The following IGSF9 variants were observed in gnomAD, a reference collection of about 807,000 sequenced individuals.
IGSF9 encodes protein turtle homolog A.
A neutral mutation model predicts 121.7 loss-of-function variants in IGSF9; 87 were observed. The observed-to-expected ratio is 0.71, with a 90% CI of 0.60 to 0.85. IGSF9 has a LOEUF of 0.85. Ranked by LOEUF, IGSF9 falls within the 40% of genes least tolerant of loss-of-function variation. The probability of loss-of-function intolerance (pLI) is 0.00; values close to 1 mark genes in which losing one functional copy is unlikely to be tolerated. For missense variants in IGSF9, 1,462 were observed against 1,565.3 expected, an observed-to-expected ratio of 0.93 and a Z score of 1.11; for synonymous variants, 640 against 648.4, an observed-to-expected ratio of 0.99 and a Z score of 0.20.
chr1:159,929,601 A>G (rs781515796), intron 17 of IGSF9, 37 bp downstream of exon 17: 46 of 1,573,868 alleles, frequency 2.9e-5, no homozygotes, highest in Middle Eastern at 1.7e-4. Flanking sequence ...GCTAGGCCCA[A>G]GTGCGCAGTA....
In IGSF9 at chr1:159,932,677, T is replaced by C. The variant is rs758742888; in HGVS notation, c.1105-25A>G. Reference sequence around the variant, plus strand: ...ACTGGAAGGAAGAGAAGATGACAGCTAGAGAGAGGAGCTCAGCAGAGACAA... The same window carrying C: ...ACTGGAAGGAAGAGAAGATGACAGCCAGAGAGAGGAGCTCAGCAGAGACAA... On this transcript the variant is annotated intron_variant, in intron 9 of 20. Coordinates refer to ENST00000368094, the MANE Select transcript of IGSF9 (RefSeq NM_001135050.2). This position sits in a 1 kb window ranked among gnomAD's most constrained non-coding sequence, Gnocchi z 4.1. 4 of 1,595,638 alleles carry C rather than the reference T, an allele frequency of 2.5e-6. No individual in the cohort carries two copies. The highest frequency in any genetic ancestry group is 2.6e-6 in the Non-Finnish European group (3 of 1,168,136).
rs1475904726 is a variant in IGSF9 at position 159,931,681 on chromosome 1, T to A, written c.1363-78A>T. The A allele has an allele frequency of 3.9e-6, 6 of 1,548,362 alleles. No individual in the cohort carries two copies. Among genetic ancestry groups the A allele is most frequent in the Non-Finnish European group, 5.3e-6 (6 of 1,136,152 alleles). The stretch of plus-strand genomic sequence containing the variant: ...GGCGCCCCTCATCTCTCCAGGCAGC[T>A]CCAGTTCCTCCCCACCCTGCCTCTG... On this transcript the variant is annotated intron_variant, in intron 11 of 20. Coordinates refer to ENST00000368094, the MANE Select transcript of IGSF9 (RefSeq NM_001135050.2). This position sits in a 1 kb window ranked among gnomAD's most constrained non-coding sequence, Gnocchi z 4.8.
At chr1:159,937,921 G>A in intron 3 of IGSF9, 83 bp from the exon 4 acceptor site, 3 of 1,399,122 alleles carry the variant, frequency 2.1e-6, no homozygotes, top group Non-Finnish European at 2.9e-6. Context: ...AATTCTTAGA[G>A]GTAAGAACAG....
rs897140159 is a variant in IGSF9, at chr1:159,933,957, A to G, written c.1104+233T>C. 5.3e-6 allele frequency: 3 copies of G among 564,428 alleles called. No homozygotes were observed. The Admixed American group carries it at 1.0e-4, about 19-fold the overall frequency. 35.0% of individuals were successfully genotyped at this position (564,428 alleles called of 1,614,324 possible). A position where few individuals can be genotyped will look rare whatever the true frequency, so the allele number is the denominator to read the frequency against. The stretch of plus-strand genomic sequence containing the variant: ...TTTGCCATCATTTTCCCCAGAGATC[A>G]TCTCTCTTCTTTCCCCAAAGAAGAC... On this transcript the variant is annotated intron_variant, in intron 9 of 20. Coordinates refer to ENST00000368094, the MANE Select transcript of IGSF9 (RefSeq NM_001135050.2).
chr1:159,930,053 C>T, intron 15 of IGSF9, 78 bp from the exon 16 acceptor site: 4 of 1,559,538 alleles, frequency 2.6e-6, no homozygotes, highest in Non-Finnish European at 3.5e-6. Flanking sequence ...AAAGACCGTG[C>T]ACGTGGGACG....
rs762870801 is a variant in IGSF9 at position 159,934,803 on chromosome 1, C to T, written c.693G>A (p.Val231=). Residue 231 remains valine (V), a synonymous_variant, in exon 7 of 21, where the codon GTG becomes GTA. Transcript: ENST00000368094. The part of the protein sequence containing the change: ...LLVLGPPVIV[V]PPKNSTVNAS... The stretch of plus-strand genomic sequence containing the variant: ...CATTGACTGTGCTGTTCTTGGGGGG[C>T]ACCACGATGACTGGGGGTCCTGTGG... 1.9e-6 allele frequency: 3 copies of T among 1,613,984 alleles called. No individual in the cohort carries two copies. Among genetic ancestry groups the T allele is most frequent in the Non-Finnish European group, 2.5e-6 (3 of 1,180,002 alleles).
At chr1:159,944,427 TCACG>T (rs779286963) in intron 1 of IGSF9, among the ~76,000 whole-genome samples, 10 of 152,174 alleles carry the variant, frequency 6.6e-5, no homozygotes, top group Admixed American at 2.0e-4. Context: ...CGCCACTTCC[TCACG>T]ATACTGCCAA....
rs930599627 is a variant in IGSF9, at chr1:159,937,713, C to T, written c.373G>A (p.Gly125Ser). 36 of 1,613,862 alleles carry T rather than the reference C, an allele frequency of 2.2e-5. No individual in the cohort carries two copies. Among genetic ancestry groups the T allele is most frequent in the Admixed American group, 8.3e-5 (5 of 59,988 alleles). ...QHIPEDDFAN[G>S]SWVHLTVNSP... ...TTGACTGTCAGATGCACCCAGGAGC[C>T]GTTAGCAAAATCGTCTTCAGGGATG... The change falls in exon 4 of 21, where the codon GGC (glycine) becomes AGC (serine). Residue 125 changes from glycine (G) to serine (S), a missense_variant. This residue lies in a region of IGSF9 where 558 missense variants were observed against 599.4 expected (regional missense o/e 0.93). Coordinates refer to ENST00000368094, the MANE Select transcript of IGSF9 (RefSeq NM_001135050.2).
chr1:159,930,040 C>T (rs1039150866), intron 15 of IGSF9, 65 bp from the exon 16 acceptor site: 8 of 1,568,906 alleles, frequency 5.1e-6, no homozygotes, highest in African/African-American at 1.4e-5. Context: ...CAGCGGGGCG[C>T]GGAAAGACCG....
In IGSF9 at chr1:159,928,696, G is replaced by T. The variant is rs1205309829; in HGVS notation, c.2692C>A (p.Leu898Ile). 1.4e-6 allele frequency: 2 copies of T among 1,477,628 alleles called. No individual in the cohort carries two copies. Among genetic ancestry groups the T allele is most frequent in the East Asian group, 4.8e-5 (2 of 41,250 alleles). 91.5% of individuals were successfully genotyped at this position (1,477,628 alleles called of 1,614,324 possible). Reference sequence around the variant, plus strand: ...ACAGGGCTGATGTCTTCAATGCAGAGGGGCTGGGGTGCCCCACTGGGGCTG... The same window carrying T: ...ACAGGGCTGATGTCTTCAATGCAGATGGGCTGGGGTGCCCCACTGGGGCTG... ...SSSPSGAPQP[L>I]CIEDISPVAP... The change falls in exon 19 of 21, where the codon CTC (leucine) becomes ATC (isoleucine). Residue 898 changes from leucine to isoleucine, a missense_variant. This residue lies in a region of IGSF9 where 808 missense variants were observed against 815.2 expected (regional missense o/e 0.99). Coordinates refer to ENST00000368094, the MANE Select transcript of IGSF9 (RefSeq NM_001135050.2).
Position 159,929,002 on chromosome 1 carries a change from C to T in IGSF9, c.2386G>A (p.Gly796Ser), listed in dbSNP as rs903338429. The T allele has an allele frequency of 3.3e-6, 5 of 1,519,626 alleles. No individual in the cohort carries two copies. The Middle Eastern group carries it at 8.9e-4, about 272-fold the overall frequency. The allele number at this position is 1,519,626 out of a possible 1,614,324, so 94.1% of individuals were successfully genotyped here. A position where few individuals can be genotyped will look rare whatever the true frequency, so the allele number is the denominator to read the frequency against. ...KSAAPSALGSGSPDSVAKLKL... is the reference protein window; with the variant it reads ...KSAAPSALGSSSPDSVAKLKL... ...AGCTTCGCCACGCTGTCAGGACTGC[C>T]TGAGCCCAGAGCAGAGCTGGGGAAG... The change falls in exon 19 of 21, where the codon GGC (glycine) becomes AGC (serine). Residue 796 changes from glycine to serine, a missense_variant. This residue lies in a region of IGSF9 where 808 missense variants were observed against 815.2 expected (regional missense o/e 0.99). Transcript: ENST00000368094.
chr1:159,928,414 C>T lies in IGSF9; in HGVS notation c.2974G>A (p.Ala992Thr), dbSNP rs1428568554. ...GCCAGGGCTGTGTAAGGGGGCTCTG[C>T]AGTGGCCCCAGCCCCTACCACAGCC... ...PGAVVGAGAT[A>T]EPPYTALADW... Residue 992 changes from alanine (A) to threonine (T), a missense_variant, in exon 19 of 21, where the codon GCA (alanine) becomes ACA (threonine). Coordinates refer to ENST00000368094, the MANE Select transcript of IGSF9 (RefSeq NM_001135050.2). The T allele has an allele frequency of 6.2e-7, 1 of 1,601,762 alleles. No homozygotes were observed. Among genetic ancestry groups the T allele is most frequent in the Non-Finnish European group, 8.5e-7 (1 of 1,176,570 alleles).
At chr1:159,938,502 C>T (rs1651274067) in intron 3 of IGSF9, among the ~76,000 whole-genome samples, 1 of 152,216 alleles carries the variant, frequency 6.6e-6, no homozygotes, top group Non-Finnish European at 1.5e-5. Flanking sequence ...ACAGCACAAC[C>T]AGACACCTCA....
In IGSF9 at chr1:159,932,694, C is replaced by A; in HGVS notation, c.1105-42G>T. 1 of 1,574,956 alleles carries A rather than the reference C, an allele frequency of 6.3e-7. No individual in the cohort carries two copies. Among genetic ancestry groups the A allele is most frequent in the South Asian group, 1.2e-5 (1 of 86,018 alleles). ...ATGACAGCTAGAGAGAGGAGCTCAG[C>A]AGAGACAAGCCCGGGATGGCAGTAC... On this transcript the variant is annotated intron_variant, in intron 9 of 20. Transcript: ENST00000368094. This position sits in a 1 kb window ranked among gnomAD's most constrained non-coding sequence, Gnocchi z 4.1.
chr1:159,932,249 C>T lies in IGSF9; in HGVS notation c.1245+263G>A, dbSNP rs1651025024. On this transcript the variant is annotated intron_variant, in intron 10 of 20. Coordinates refer to ENST00000368094, the MANE Select transcript of IGSF9 (RefSeq NM_001135050.2). This position sits in a 1 kb window ranked among gnomAD's most constrained non-coding sequence, Gnocchi z 4.1. Reference sequence around the variant, plus strand: ...CAGAGCCCCAGAGAGGGAGGCAGCACGGTCAAGGTTAGTGAGAGTTGGGGC... The same window carrying T: ...CAGAGCCCCAGAGAGGGAGGCAGCATGGTCAAGGTTAGTGAGAGTTGGGGC... The T allele has an allele frequency of 5.2e-6, 3 of 578,878 alleles. No individual in the cohort carries two copies. Among genetic ancestry groups the T allele is most frequent in the Admixed American group, 3.2e-5 (1 of 31,308 alleles). The allele number at this position is 578,878 out of a possible 1,614,324, so 35.9% of individuals were successfully genotyped here. A position where few individuals can be genotyped will look rare whatever the true frequency, so the allele number is the denominator to read the frequency against.
intron 17 of IGSF9, 27 bp from the exon 18 acceptor site, chr1:159,929,420 A>G (rs763294195): frequency 5.6e-6 from 9 of 1,613,192 alleles, no homozygotes; most frequent in African/African-American, 1.3e-5. Context: ...ATAGTAGGTG[A>G]CACAGGCAAA....
In IGSF9 at chr1:159,932,376, G is replaced by C; in HGVS notation, c.1245+136C>G. The C allele has an allele frequency of 1.1e-6, 1 of 940,664 alleles. No homozygotes were observed. The highest frequency in any genetic ancestry group is 1.6e-6 in the Non-Finnish European group (1 of 625,196). 58.3% of individuals were successfully genotyped at this position (940,664 alleles called of 1,614,324 possible). A position where few individuals can be genotyped will look rare whatever the true frequency, so the allele number is the denominator to read the frequency against. The stretch of plus-strand genomic sequence containing the variant: ...GATGGCATCAGGCAGCTGCTGCCGT[G>C]GCCACCATGGGAAACAAACTTGGAA... On this transcript the variant is annotated intron_variant, in intron 10 of 20. Transcript: ENST00000368094. The surrounding 1 kb of genome is among the most constrained non-coding windows in gnomAD (Gnocchi z 4.1).
chr1:159,936,376 C>T (rs1316859), intron 6 of IGSF9, 23 bp downstream of exon 6: 1 of 1,603,502 alleles, frequency 6.2e-7, no homozygotes, highest in Non-Finnish European at 8.5e-7. Context: ...ACCCTGGACC[C>T]CAGCCCTCCC....
intron 3 of IGSF9, among the ~76,000 whole-genome samples, chr1:159,942,512 A>G (rs1212853326): frequency 6.6e-6 from 1 of 152,198 alleles, no homozygotes; most frequent in Non-Finnish European, 1.5e-5. Context: ...CTGAACTAGC[A>G]TTTAAGACGA....
Sources: allele counts gnomAD v4.1 joint callset (sites outside exome capture counted in the v4.1 genomes callset), GRCh38; gene constraint gnomAD v4.1.1; regional missense constraint gnomAD v4.1.1; non-coding constraint Gnocchi (gnomAD v3.1); transcripts MANE v1.5; gene names NCBI Gene and HGNC (gene_info 2026-07-23, HGNC 2026-07-21).